IVD: variants seen among roughly 807,000 people sequenced by gnomAD.
The protein encoded by IVD is isovaleryl-CoA dehydrogenase.
Under a neutral mutation model 51.3 loss-of-function variants are expected in IVD, and 31 were observed. The ratio of observed to expected loss-of-function variants is 0.60; its 90% CI spans 0.45 to 0.81. IVD has a LOEUF of 0.81. IVD is among the 40% of genes least tolerant of loss of function. The pLI is 0.00. For missense variants in IVD, 475 were observed against 552.0 expected (o/e 0.86, Z 1.40); for synonymous variants, 205 against 219.4 (o/e 0.93, Z 0.58).
Position 40,407,927 on chromosome 15 carries a change from T to C in IVD, c.235-12T>C. On this transcript the variant is annotated splice_polypyrimidine_tract_variant and intron_variant, in intron 2 of 11. Coordinates refer to ENST00000487418, the MANE Select transcript of IVD (RefSeq NM_002225.5). ...TCAACACTTATTCCACTCTGCTCCA[T>C]TCTGTTGGCAGGAATTTTGGAAGCA... 6.2e-7 allele frequency: 1 copy of C among 1,613,940 alleles called. No individual in the cohort carries two copies. Among genetic ancestry groups the C allele is most frequent in the Non-Finnish European group, 8.5e-7 (1 of 1,179,854 alleles).
rs1304408183 is a variant in IVD, at chr15:40,415,443, C to T, written c.921C>T (p.His307=). ...AVLDHTIPYL[H]VREAFGQKIG... The stretch of plus-strand genomic sequence containing the variant: ...TGGACCACACCATTCCCTACCTGCA[C>T]GTGAGGGAAGCCTTTGGCCAGAAGA... The change falls in exon 9 of 12, where the codon CAC becomes CAT. Residue 307 remains histidine (H), a synonymous_variant. Coordinates refer to ENST00000487418, the MANE Select transcript of IVD (RefSeq NM_002225.5). The T allele has an allele frequency of 5.6e-6, 9 of 1,614,058 alleles. No homozygotes were observed. The highest frequency in any genetic ancestry group is 4.4e-5 in the South Asian group (4 of 91,084).
intron 1 of IVD, chr15:40,406,291 C>A (rs761071377): frequency 4.3e-5 from 61 of 1,418,194 alleles, no homozygotes; most frequent in Admixed American, 1.5e-4. Context: ...GGCTACCTAC[C>A]GCTTGTGGCA....
chr15:40,407,823 CCTCT>C, intron 2 of IVD, 98 bp downstream of exon 2: 4 of 1,434,524 alleles, frequency 2.8e-6, no homozygotes, highest in Non-Finnish European at 3.9e-6. Context: ...GTAAATGAAG[CCTCT>C]CTAAGAATGC....
At chr15:40,417,480 C>T (rs1891830727) in intron 11 of IVD, among the ~76,000 whole-genome samples, 2 of 150,140 alleles carry the variant, frequency 1.3e-5, no homozygotes, top group Non-Finnish European at 3.0e-5. Context: ...TGCACTCCAG[C>T]CTAGGCCACA....
rs181729371 is a variant in IVD at position 40,420,618 on chromosome 15, G to T, written c.*2355G>T. 8.7e-5 allele frequency: 86 copies of T among 987,524 alleles called. 1 individual carries two copies. The East Asian group carries it at 7.5e-3, about 86-fold the overall frequency. The allele number at this position is 987,524 out of a possible 1,614,324, so 61.2% of individuals were successfully genotyped here. On this transcript the variant is annotated 3_prime_UTR_variant, in exon 12 of 12. Transcript: ENST00000487418. ...GAGAGGTCTCAGCCTCCCTTTCCCAGATCTCCCAGTGAGTTTTAAAGGAAG... is the reference window on the plus strand; with the variant it reads ...GAGAGGTCTCAGCCTCCCTTTCCCATATCTCCCAGTGAGTTTTAAAGGAAG...
Position 40,419,090 on chromosome 15 carries a change from T to A in IVD, c.*827T>A. 1 of 1,186,260 alleles carries A rather than the reference T, an allele frequency of 8.4e-7. No individual in the cohort carries two copies. The highest frequency in any genetic ancestry group is 1.1e-6 in the Non-Finnish European group (1 of 896,544). The allele number at this position is 1,186,260 out of a possible 1,614,324, so 73.5% of individuals were successfully genotyped here. On this transcript the variant is annotated 3_prime_UTR_variant, in exon 12 of 12. Coordinates refer to ENST00000487418, the MANE Select transcript of IVD (RefSeq NM_002225.5). The stretch of plus-strand genomic sequence containing the variant: ...GGCGGACGTTGCAGTGAGCCGAGCT[T>A]GTGCCATTGCACTCCAGCCTGGGCG...
At chr15:40,425,852 C>G (rs1279246468), downstream of IVD, among the ~76,000 whole-genome samples, 1 of 152,012 alleles carries the variant, frequency 6.6e-6, no homozygotes, top group Non-Finnish European at 1.5e-5. Flanking sequence ...CTTTGTCACC[C>G]AGGCTGGAGT....
chr15:40,434,849 G>T (rs904872773), intron 8 of IVD, among the ~76,000 whole-genome samples: 7 of 152,220 alleles, frequency 4.6e-5, no homozygotes, highest in African/African-American at 1.7e-4. Flanking sequence ...CAGGGCTATA[G>T]CATGAGGCTT....
At chr15:40,408,059 C>G in intron 3 of IVD, 69 bp downstream of exon 3, 1 of 1,436,904 alleles carries the variant, frequency 7.0e-7, no homozygotes, top group Non-Finnish European at 9.8e-7. Context: ...CCAAAAGAAG[C>G]AGGAAGGGAA....
chr15:40,408,741 G>A (rs554905887), intron 3 of IVD, among the ~76,000 whole-genome samples: 3 of 152,182 alleles, frequency 2.0e-5, no homozygotes, highest in East Asian at 1.9e-4. Context: ...ACCTGCGGTC[G>A]TGAGTTCGAG....
At position 40,421,113 on chromosome 15, in the gene IVD, A is replaced by G. The variant is rs147367220; in HGVS notation, c.*2850A>G. On this transcript the variant is annotated 3_prime_UTR_variant, in exon 12 of 12. Coordinates refer to ENST00000487418, the MANE Select transcript of IVD (RefSeq NM_002225.5). Reference sequence around the variant, plus strand: ...TGTCTTGCTCCCTGCTATGTTGGAGATGAATGTGACTAAAAGGGCCATCTT... The same window carrying G: ...TGTCTTGCTCCCTGCTATGTTGGAGGTGAATGTGACTAAAAGGGCCATCTT... The G allele has an allele frequency of 1.7e-3, 1,627 of 985,400 alleles. 1 individual carries two copies. The highest frequency in any genetic ancestry group is 1.6e-3 in the Non-Finnish European group (1,314 of 829,934). The allele number at this position is 985,400 out of a possible 1,614,324, so 61.0% of individuals were successfully genotyped here.
chr15:40,409,970 G>T (rs1890881633), intron 3 of IVD, among the ~76,000 whole-genome samples: 1 of 151,868 alleles, frequency 6.6e-6, no homozygotes, highest in Non-Finnish European at 1.5e-5. Context: ...CCGAGTAGCT[G>T]GGACTACAGG....
downstream of IVD, among the ~76,000 whole-genome samples, chr15:40,422,092 C>A (rs2141396717): frequency 6.6e-6 from 1 of 152,366 alleles, no homozygotes; most frequent in East Asian, 1.9e-4. Flanking sequence ...TCGCATGGAG[C>A]TCGCCTGACC....
Position 40,408,250 on chromosome 15 carries a change from A to T in IVD, c.286+260A>T, listed in dbSNP as rs562568426. On this transcript the variant is annotated intron_variant, in intron 3 of 11. Transcript: ENST00000487418. ...GGATCAGGATCAGTCCAACTCTTGA[A>T]CTCTGCATACTTAATAGGCTCACCC... 8.9e-4 allele frequency among the ~76,000 whole-genome samples: 136 copies of T among 152,120 alleles called. 1 individual carries two copies. The highest frequency in any genetic ancestry group is 1.6e-3 in the Non-Finnish European group (111 of 67,966).
chr15:40,415,589 C>A, intron 9 of IVD, 107 bp downstream of exon 9: 1 of 937,192 alleles, frequency 1.1e-6, no homozygotes, highest in Non-Finnish European at 1.7e-6. Context: ...TCTCCTCTAG[C>A]AAATTGAGCT....
At chr15:40,421,661 T>C (rs905967013), downstream of IVD, among the ~76,000 whole-genome samples, 2 of 152,228 alleles carry the variant, frequency 1.3e-5, no homozygotes, top group Non-Finnish European at 2.9e-5. Flanking sequence ...CAAGGCAATC[T>C]TCTACAACCA....
intron 6 of IVD, chr15:40,412,738 G>A: frequency 2.0e-6 from 1 of 498,262 alleles, no homozygotes; most frequent in Non-Finnish European, 3.7e-6. Flanking sequence ...TCAGGGAACT[G>A]AGCATATCAT....
intron 3 of IVD, among the ~76,000 whole-genome samples, chr15:40,408,489 T>G (rs1890704211): frequency 6.6e-6 from 1 of 151,774 alleles, no homozygotes; most frequent in Non-Finnish European, 1.5e-5. Context: ...GGGAGTAGGG[T>G]AGGGGCTGGG....
downstream of IVD, among the ~76,000 whole-genome samples, chr15:40,423,105 A>AT (rs1398562329): frequency 4.0e-5 from 6 of 149,514 alleles, no homozygotes; most frequent in African/African-American, 1.5e-4. Flanking sequence ...TGCCAGACTA[A>AT]TTTTTGTATT....
Sources: gnomAD v4.1 joint callset for allele counts (sites outside exome capture counted in the v4.1 genomes callset) on GRCh38, gnomAD v4.1.1 for gene constraint, MANE v1.5 for transcripts, NCBI Gene and HGNC (gene_info 2026-07-23, HGNC 2026-07-21) for gene names.